RNASET2: variants seen among roughly 807,000 people sequenced by gnomAD.
The protein encoded by RNASET2 is ribonuclease 6.
In RNASET2, 28 loss-of-function variants were observed where a neutral mutation model predicts 33.9. The ratio of observed to expected loss-of-function variants is 0.83; its 90% confidence interval spans 0.61 to 1.13. RNASET2 has a LOEUF of 1.13. RNASET2 is among the 50% of genes most tolerant of loss of function. The pLI, the probability that RNASET2 is intolerant of heterozygous loss-of-function variation, is 0.00. For synonymous variants in RNASET2, 123 were observed against 121.0 expected (o/e 1.02, Z -0.11); for missense variants, 330 against 319.9 (o/e 1.03, Z -0.24).
rs191545994 is a variant in RNASET2, at chr6:166,924,762, G to A, written c.*4826C>T. Reference sequence around the variant, plus strand: ...GAGGTCGGGAGTTTGAGACCAGCGTGACCAACATGGAGAAAACCCATCTCT... The same window carrying A: ...GAGGTCGGGAGTTTGAGACCAGCGTAACCAACATGGAGAAAACCCATCTCT... On this transcript the variant is annotated 3_prime_UTR_variant, in exon 9 of 9. Coordinates refer to ENST00000508775, the MANE Select transcript of RNASET2 (RefSeq NM_003730.6). Among the ~76,000 whole-genome samples, 1 of 152,268 alleles carries A rather than the reference G, an allele frequency of 6.6e-6. No individual in the cohort carries two copies.
At chr6:166,943,110 T>C (rs1200637545) in intron 4 of RNASET2, 21 bp from the exon 5 acceptor site, 1 of 1,585,170 alleles carries the variant, frequency 6.3e-7, no homozygotes, top group East Asian at 2.2e-5. Context: ...AAAAATAAAA[T>C]AAGTCTACGC....
At chr6:166,955,209 G>GCACGCACACACGCGCACA (rs1228095084) in intron 1 of RNASET2, among the ~76,000 whole-genome samples, 1 of 77,872 alleles carries the variant, frequency 1.3e-5, no homozygotes, top group Admixed American at 1.3e-4. Flanking sequence ...ACGCACACAC[G>GCACGCACACACGCGCACA]CACGCACACA....
intron 4 of RNASET2, among the ~76,000 whole-genome samples, chr6:166,944,746 G>A (rs976913203): frequency 4.6e-5 from 7 of 150,778 alleles, no homozygotes; most frequent in South Asian, 2.1e-4. Flanking sequence ...GCAGTCCTAC[G>A]GTGCCTCTTC....
At position 166,955,221 on chromosome 6, in the gene RNASET2, G is replaced by A. The variant is rs1459753990; in HGVS notation, c.86+876C>T. Among the ~76,000 whole-genome samples the A allele has an allele frequency of 1.8e-3, 167 of 93,954 alleles. 2 individuals are homozygous for A. The highest frequency in any genetic ancestry group is 5.6e-3 in the Middle Eastern group (1 of 178). The allele number at this position is 93,954 out of a possible 152,430, so 61.6% of individuals were successfully genotyped here. ...CGCACGCACACACGCACGCACACACGCGCACACACGCACGCACGCACACAC... is the reference window on the plus strand; with the variant it reads ...CGCACGCACACACGCACGCACACACACGCACACACGCACGCACGCACACAC... On this transcript the variant is annotated intron_variant, in intron 1 of 8. Transcript: ENST00000508775.
chr6:166,955,267 ACACGCGCACACACGACACAC>A (rs1779102702), intron 1 of RNASET2, among the ~76,000 whole-genome samples: 1 of 90,084 alleles, frequency 1.1e-5, no homozygotes, highest in African/African-American at 5.4e-5. Flanking sequence ...GCACACACAC[ACACGCGCACACACGACACAC>A]ACGCACAGAC....
At chr6:166,931,307 T>C in intron 7 of RNASET2, 189 bp from the exon 8 acceptor site, 1 of 622,174 alleles carries the variant, frequency 1.6e-6, no homozygotes, top group South Asian at 1.9e-5. Flanking sequence ...CAACCTGGGC[T>C]TCATCCCCAG....
chr6:166,949,167 C>T (rs1439431194), intron 2 of RNASET2, among the ~76,000 whole-genome samples: 3 of 135,190 alleles, frequency 2.2e-5, no homozygotes. Context: ...CATTGCACTC[C>T]AGCCTAGGTG....
intron 5 of RNASET2, among the ~76,000 whole-genome samples, chr6:166,939,500 A>T (rs980973442): frequency 6.6e-6 from 1 of 152,238 alleles, no homozygotes; most frequent in Non-Finnish European, 1.5e-5. Context: ...TTAAATAATC[A>T]GTTTCAGTTC....
chr6:166,934,750 G>A (rs1403231382), intron 6 of RNASET2: 1 of 153,614 alleles, frequency 6.5e-6, no homozygotes, highest in Non-Finnish European at 1.4e-5. Flanking sequence ...AAGCATATGT[G>A]TGTCGTGGGC....
chr6:166,934,655 T>C (rs1778524643), intron 6 of RNASET2: 1 of 185,266 alleles, frequency 5.4e-6, no homozygotes, highest in South Asian at 1.2e-4. Flanking sequence ...ATCCTTACCA[T>C]TGTGTTACAT....
Position 166,947,652 on chromosome 6 carries a change from A to G in RNASET2, c.204-913T>C, listed in dbSNP as rs911702791. 3.3e-5 allele frequency among the ~76,000 whole-genome samples: 5 copies of G among 152,320 alleles called. No homozygotes were observed. The South Asian group carries it at 1.0e-3, about 32-fold the overall frequency. ...GGAGGTCAAGGTTATCTGACCAGAC[A>G]GAGAAGAAAGTGAAACCCGAAGCCA... is the stretch of plus-strand genomic sequence containing the variant. On this transcript the variant is annotated intron_variant, in intron 3 of 8. Coordinates refer to ENST00000508775, the MANE Select transcript of RNASET2 (RefSeq NM_003730.6).
chr6:166,940,493 ATTATT>A (rs1281017825), intron 5 of RNASET2, among the ~76,000 whole-genome samples: 1 of 152,188 alleles, frequency 6.6e-6, no homozygotes, highest in Non-Finnish European at 1.5e-5. Flanking sequence ...GAAAAAGGAG[ATTATT>A]TTAAACTAAT....
intron 6 of RNASET2, chr6:166,938,462 T>C: frequency 2.0e-6 from 1 of 503,980 alleles, no homozygotes; most frequent in East Asian, 5.5e-5. Flanking sequence ...TAAAGAACCC[T>C]GGCCCACATC....
At chr6:166,936,228 CTGAATGAATGAATGAA>C (rs546247226) in intron 6 of RNASET2, among the ~76,000 whole-genome samples, 2 of 152,104 alleles carry the variant, frequency 1.3e-5, no homozygotes, top group African/African-American at 4.8e-5. Flanking sequence ...TGAACATTTA[CTGAATGAATGAATGAA>C]TGAATGAATG....
rs576639665 is a variant in RNASET2 at position 166,923,228 on chromosome 6, C to CTTTTTTTTTTT, written c.*6349_*6359dup. On this transcript the variant is annotated 3_prime_UTR_variant, in exon 9 of 9. Coordinates refer to ENST00000508775, the MANE Select transcript of RNASET2 (RefSeq NM_003730.6). The stretch of plus-strand genomic sequence containing the variant: ...ACAGGCGTGAGCCACCAGGCCCGGC[C>CTTTTTTTTTTT]TTTTTTTTTTTTTTTTTTTTTGAGA... 5.2e-3 allele frequency among the ~76,000 whole-genome samples: 537 copies of CTTTTTTTTTTT among 102,616 alleles called. 54 individuals are homozygous for CTTTTTTTTTTT. Among genetic ancestry groups the CTTTTTTTTTTT allele is most frequent in the African/African-American group, 0.024 (459 of 19,102 alleles). 67.3% of individuals were successfully genotyped at this position (102,616 alleles called of 152,430 possible). A position where few individuals can be genotyped will look rare whatever the true frequency, so the allele number is the denominator to read the frequency against.
At chr6:166,943,255 G>C (rs1778736903) in intron 4 of RNASET2, 166 bp from the exon 5 acceptor site, 1 of 583,592 alleles carries the variant, frequency 1.7e-6, no homozygotes, top group East Asian at 3.3e-5. Flanking sequence ...TGTTTGTTAA[G>C]ATATATCTAC....
In RNASET2 at chr6:166,924,970, G is replaced by A. The variant is rs765640475; in HGVS notation, c.*4618C>T. Among the ~76,000 whole-genome samples, 1 of 152,104 alleles carries A rather than the reference G, an allele frequency of 6.6e-6. No homozygotes were observed. Among genetic ancestry groups the A allele is most frequent in the Non-Finnish European group, 1.5e-5 (1 of 67,994 alleles). On this transcript the variant is annotated 3_prime_UTR_variant, in exon 9 of 9. Coordinates refer to ENST00000508775, the MANE Select transcript of RNASET2 (RefSeq NM_003730.6). ...AGCTCTTGATTTAGTGGCAGGAGAA[G>A]TACAGGCCTCACCTCCACCGCGCAG...
chr6:166,941,302 G>A (rs954610554), intron 5 of RNASET2, among the ~76,000 whole-genome samples: 1 of 152,124 alleles, frequency 6.6e-6, no homozygotes, highest in Non-Finnish European at 1.5e-5. Flanking sequence ...CCAGCTCACT[G>A]AAGGCCTTTG....
At chr6:166,932,433 A>G (rs564927504) in intron 7 of RNASET2, 54 of 151,882 alleles carry the variant, frequency 3.6e-4, no homozygotes, top group African/African-American at 1.2e-3. Context: ...AACTGGTCCC[A>G]TATCTCCCAG....
Sources: allele counts gnomAD v4.1 joint callset (sites outside exome capture counted in the v4.1 genomes callset), GRCh38; gene constraint gnomAD v4.1.1; transcripts MANE v1.5; gene names NCBI Gene and HGNC (gene_info 2026-07-23, HGNC 2026-07-21).